RAI14: variants seen among roughly 807,000 people sequenced by gnomAD.
RAI14 encodes ankycorbin.
A neutral mutation model predicts 115.4 loss-of-function variants in RAI14; 45 were observed. The ratio of observed to expected loss-of-function variants is 0.39; its 90% CI spans 0.31 to 0.50. RAI14 has a LOEUF of 0.50. RAI14 is among the 20% of genes least tolerant of loss of function. The pLI is 0.85. For synonymous variants in RAI14, 371 were observed against 415.4 expected, an observed-to-expected ratio of 0.89 and a Z score of 1.30; for missense variants, 939 against 1,131.2, an observed-to-expected ratio of 0.83 and a Z score of 2.44.
chr5:34,686,972 T>C lies in RAI14; in HGVS notation c.36+17T>C. Reference sequence around the variant, plus strand: ...AAGAGTGACGTGAGTATGCGGTGACTCACAGTCTGGCTGTTCCTTCTTCTC... The same window carrying C: ...AAGAGTGACGTGAGTATGCGGTGACCCACAGTCTGGCTGTTCCTTCTTCTC... On this transcript the variant is annotated intron_variant, in intron 2 of 17. Transcript: ENST00000265109. 6.2e-7 allele frequency: 1 copy of C among 1,613,464 alleles called. No individual in the cohort carries two copies. Among genetic ancestry groups the C allele is most frequent in the Non-Finnish European group, 8.5e-7 (1 of 1,179,626 alleles).
chr5:34,757,777 C>CT (rs1748094325), intron 3 of RAI14, 179 bp downstream of exon 3: 1 of 789,868 alleles, frequency 1.3e-6, no homozygotes, highest in South Asian at 2.6e-5. Context: ...ACATATGGAG[C>CT]TCTACCTTGA....
At position 34,832,067 on chromosome 5, in the gene RAI14, T is replaced by C. The variant is rs138570031; in HGVS notation, c.*1302T>C. On this transcript the variant is annotated 3_prime_UTR_variant, in exon 18 of 18. Transcript: ENST00000265109. ...TTTACTTTCAGGTTAAAAATGTTTC[T>C]AACACGCTTGCAACTTCCCTTATGG... is the stretch of plus-strand genomic sequence containing the variant. 2.0e-5 allele frequency: 3 copies of C among 152,364 alleles called. No homozygotes were observed. Among genetic ancestry groups the C allele is most frequent in the Middle Eastern group, 3.4e-3 (1 of 294 alleles). The allele number at this position is 152,364 out of a possible 1,614,324, so 9.4% of individuals were successfully genotyped here.
chr5:34,757,596 C>T lies in RAI14; in HGVS notation c.165C>T (p.Thr55=), dbSNP rs778893578. 2.3e-5 allele frequency: 37 copies of T among 1,607,140 alleles called. No homozygotes were observed. Among genetic ancestry groups the T allele is most frequent in the South Asian group, 1.9e-4 (17 of 90,248 alleles). The change falls in exon 3 of 18, where the codon ACC becomes ACT. Residue 55 remains threonine, a splice_region_variant and synonymous_variant. Coordinates refer to ENST00000265109, the MANE Select transcript of RAI14 (RefSeq NM_015577.3). The stretch of plus-strand genomic sequence containing the variant: ...CCAAACACGACAGTGAGGGCAAGAC[C>T]GCGTAAGCTGAAACACTGGTTTGCA... ...SATKHDSEGK[T]AFHLAAAKGH...
chr5:34,781,178 C>G (rs1460638556), intron 3 of RAI14, among the ~76,000 whole-genome samples: 1 of 137,260 alleles, frequency 7.3e-6, no homozygotes, highest in Non-Finnish European at 1.5e-5. Flanking sequence ...ACAATGAGAA[C>G]ACTTGGACAC....
chr5:34,662,721 A>ATTTTTTT lies in RAI14; in HGVS notation c.-49+6264_-49+6270dup, dbSNP rs746930489. Among the ~76,000 whole-genome samples the ATTTTTTT allele has an allele frequency of 5.3e-4, 49 of 91,910 alleles. 6 individuals carry two copies. Among genetic ancestry groups the ATTTTTTT allele is most frequent in the South Asian group, 3.0e-3 (6 of 2,032 alleles). The allele number at this position is 91,910 out of a possible 152,430, so 60.3% of individuals were successfully genotyped here. A position where few individuals can be genotyped will look rare whatever the true frequency, so the allele number is the denominator to read the frequency against. On this transcript the variant is annotated intron_variant, in intron 1 of 17. Coordinates refer to ENST00000265109, the MANE Select transcript of RAI14 (RefSeq NM_015577.3). ...GTAAAATGTTGCACAATTTAAACAG[A>ATTTTTTT]TTTTTTTTTTTTTTTTTTTTTTTTA...
intron 2 of RAI14, among the ~76,000 whole-genome samples, chr5:34,757,090 G>A (rs1291884226): frequency 6.6e-6 from 1 of 152,204 alleles, no homozygotes; most frequent in African/African-American, 2.4e-5. Flanking sequence ...TGGACAGAGT[G>A]AGCTGTGGAT....
At chr5:34,806,034 G>A (rs567638679) in intron 5 of RAI14, among the ~76,000 whole-genome samples, 1 of 152,230 alleles carries the variant, frequency 6.6e-6, no homozygotes, top group African/African-American at 2.4e-5. Flanking sequence ...ATTACAGATT[G>A]CACAGCAGTA....
chr5:34,797,482 A>C (rs1358265633), intron 4 of RAI14, among the ~76,000 whole-genome samples: 1 of 151,992 alleles, frequency 6.6e-6, no homozygotes, highest in Non-Finnish European at 1.5e-5. Context: ...AAAAAATTTG[A>C]TGTCAAGTCA....
intron 1 of RAI14, among the ~76,000 whole-genome samples, chr5:34,683,882 C>T (rs1244540521): frequency 6.6e-6 from 1 of 152,198 alleles, no homozygotes; most frequent in Non-Finnish European, 1.5e-5. Context: ...CGCCCGCCAT[C>T]ACGCCCGGCT....
rs922960784 is a variant in RAI14 at position 34,831,709 on chromosome 5, A to G, written c.*944A>G. 7.9e-5 allele frequency: 12 copies of G among 152,246 alleles called. No homozygotes were observed. Among genetic ancestry groups the G allele is most frequent in the Non-Finnish European group, 2.9e-5 (2 of 68,036 alleles). The allele number at this position is 152,246 out of a possible 1,614,324, so 9.4% of individuals were successfully genotyped here. A position where few individuals can be genotyped will look rare whatever the true frequency, so the allele number is the denominator to read the frequency against. ...TTAACAAAATACTTTTTAGGTAGCC[A>G]TGCTTGAGACTTTTTAAAAATATAA... On this transcript the variant is annotated 3_prime_UTR_variant, in exon 18 of 18. Transcript: ENST00000265109.
At chr5:34,773,202 T>A (rs1750412302) in intron 3 of RAI14, among the ~76,000 whole-genome samples, 1 of 152,132 alleles carries the variant, frequency 6.6e-6, no homozygotes, top group South Asian at 2.1e-4. Flanking sequence ...AAATTGGATA[T>A]CCATATGTAG....
In RAI14 at chr5:34,704,518, C is replaced by G. The variant is rs532028254; in HGVS notation, c.36+17563C>G. Among the ~76,000 whole-genome samples, 3 of 152,158 alleles carry G rather than the reference C, an allele frequency of 2.0e-5. No individual in the cohort carries two copies. The South Asian group carries it at 6.2e-4, about 32-fold the overall frequency. Reference sequence around the variant, plus strand: ...ACTTAACTATCTTTAAACCCGCTGACGTTCTGTTTCCTTATCAGCAAAATA... The same window carrying G: ...ACTTAACTATCTTTAAACCCGCTGAGGTTCTGTTTCCTTATCAGCAAAATA... On this transcript the variant is annotated intron_variant, in intron 2 of 17. Transcript: ENST00000265109.
intron 2 of RAI14, among the ~76,000 whole-genome samples, chr5:34,715,361 A>G (rs1378056450): frequency 6.6e-6 from 1 of 152,154 alleles, no homozygotes; most frequent in Non-Finnish European, 1.5e-5. Context: ...CAGATCCAGC[A>G]TCATTTTGGG....
chr5:34,815,571 A>G (rs1756133854), intron 12 of RAI14, among the ~76,000 whole-genome samples: 1 of 152,138 alleles, frequency 6.6e-6, no homozygotes, highest in Admixed American at 6.5e-5. Context: ...GGTGGGGAGC[A>G]GGGACAAAGT....
intron 3 of RAI14, among the ~76,000 whole-genome samples, chr5:34,788,148 G>A (rs1034069452): frequency 1.3e-5 from 2 of 151,684 alleles, no homozygotes; most frequent in African/African-American, 4.8e-5. Flanking sequence ...TGAACTCCTG[G>A]GCTCAAGCAA....
At chr5:34,751,116 G>T (rs1746956951) in intron 2 of RAI14, among the ~76,000 whole-genome samples, 1 of 147,674 alleles carries the variant, frequency 6.8e-6, no homozygotes, top group Non-Finnish European at 1.5e-5. Flanking sequence ...CTCCCAAAGT[G>T]CTGGCATTAC....
intron 1 of RAI14, among the ~76,000 whole-genome samples, chr5:34,664,586 G>A (rs1045226470): frequency 6.6e-6 from 1 of 151,818 alleles, no homozygotes; most frequent in African/African-American, 2.4e-5. Context: ...GTTTTCTTAT[G>A]ATCTAGATAA....
At chr5:34,750,488 C>T (rs989853234) in intron 2 of RAI14, among the ~76,000 whole-genome samples, 3 of 151,774 alleles carry the variant, frequency 2.0e-5, no homozygotes, top group Admixed American at 6.6e-5. Flanking sequence ...TTTTAAGCGA[C>T]GAGGAAACAG....
At chr5:34,770,753 A>T (rs368738430) in intron 3 of RAI14, among the ~76,000 whole-genome samples, 14 of 152,350 alleles carry the variant, frequency 9.2e-5, no homozygotes, top group African/African-American at 3.4e-4. Flanking sequence ...GTCAAAAGGG[A>T]GCCAGGACAC....
Sources: gnomAD v4.1 joint callset for allele counts (sites outside exome capture counted in the v4.1 genomes callset) on GRCh38, gnomAD v4.1.1 for gene constraint, MANE v1.5 for transcripts, NCBI Gene and HGNC (gene_info 2026-07-23, HGNC 2026-07-21) for gene names.